Variants in WWOX observed in about 807,000 individuals in gnomAD.
WWOX encodes the protein WW domain containing oxidoreductase, also known as WW domain-containing oxidoreductase.
Under a neutral mutation model 46.2 loss-of-function variants are expected in WWOX, and 69 were observed. The observed-to-expected ratio is 1.49, with a 90% CI of 1.23 to 1.82. The LOEUF (loss-of-function observed/expected upper bound fraction) is 1.82, where lower values mean the gene tolerates loss of function less well. Ranked by LOEUF, WWOX falls within the 40% of genes most tolerant of loss-of-function variation. The pLI is 0.00. For synonymous variants in WWOX, 359 were observed against 202.6 expected (o/e 1.77, Z -6.56); for missense variants, 919 against 542.6 (o/e 1.69, Z -6.89).
At chr16:78,644,337 A>G (rs753537396) in intron 8 of WWOX, among the ~76,000 whole-genome samples, 1 of 152,138 alleles carries the variant, frequency 6.6e-6, no homozygotes, top group Non-Finnish European at 1.5e-5. Context: ...CACCTACCCC[A>G]TATGTCACCT....
chr16:79,091,776 TTTG>T (rs2048965462), intron 8 of WWOX, among the ~76,000 whole-genome samples: 4 of 119,078 alleles, frequency 3.4e-5, no homozygotes, highest in Admixed American at 8.4e-5. Flanking sequence ...TTTTCTTTTC[TTTG>T]TTTTTTTTTT....
At chr16:78,224,106 C>T (rs571532455) in intron 5 of WWOX, among the ~76,000 whole-genome samples, 2 of 152,132 alleles carry the variant, frequency 1.3e-5, no homozygotes, top group Non-Finnish European at 2.9e-5. Flanking sequence ...TGGGTTCACA[C>T]CATTTTCCTG....
rs372093205 is a variant in WWOX, at chr16:78,711,884, C to T, written c.1056+279132C>T. On this transcript the variant is annotated intron_variant, in intron 8 of 8. Coordinates refer to ENST00000566780, the MANE Select transcript of WWOX (RefSeq NM_016373.4). ...ACATCTTACAAATTCCCTCAGTGCA[C>T]GCGCCATCTAAATTAATCCAAATTC... is the stretch of plus-strand genomic sequence containing the variant. Among the ~76,000 whole-genome samples, 8 of 152,232 alleles carry T rather than the reference C, an allele frequency of 5.3e-5. No homozygotes were observed. The East Asian group carries it at 9.7e-4, about 18-fold the overall frequency.
chr16:78,411,621 T>C (rs563368338), intron 6 of WWOX, among the ~76,000 whole-genome samples: 17 of 152,262 alleles, frequency 1.1e-4, no homozygotes, highest in Admixed American at 8.5e-4. Context: ...TTAGGAACCA[T>C]TAAAAGTTTT....
intron 8 of WWOX, among the ~76,000 whole-genome samples, chr16:78,948,316 T>G (rs1279561929): frequency 6.6e-6 from 1 of 152,202 alleles, no homozygotes; most frequent in Non-Finnish European, 1.5e-5. Flanking sequence ...ACCAAAGAAC[T>G]TCTTGTCTCC....
intron 8 of WWOX, among the ~76,000 whole-genome samples, chr16:79,162,680 C>T (rs1245124759): frequency 6.6e-6 from 1 of 152,158 alleles, no homozygotes; most frequent in East Asian, 1.9e-4. Flanking sequence ...ACAGATCATG[C>T]CAAGGTCCTG....
intron 8 of WWOX, among the ~76,000 whole-genome samples, chr16:78,612,905 T>C (rs2045933629): frequency 6.6e-6 from 1 of 152,144 alleles, no homozygotes; most frequent in South Asian, 2.1e-4. Context: ...GCTCAAGAAA[T>C]AGTAAATTTT....
chr16:78,437,015 A>G (rs56981948), intron 8 of WWOX, among the ~76,000 whole-genome samples: 2,956 of 152,266 alleles, frequency 0.019, 95 homozygotes, highest in African/African-American at 0.066. Flanking sequence ...CTATCACCAG[A>G]TGGCTAGTGT....
chr16:79,067,363 C>A (rs913753207), intron 8 of WWOX, among the ~76,000 whole-genome samples: 1 of 152,096 alleles, frequency 6.6e-6, no homozygotes, highest in Non-Finnish European at 1.5e-5. Flanking sequence ...TCTGCTCTCG[C>A]TCTCTCTCTT....
chr16:78,949,574 A>G (rs1401156968), intron 8 of WWOX, among the ~76,000 whole-genome samples: 2 of 152,228 alleles, frequency 1.3e-5, no homozygotes, highest in South Asian at 2.1e-4. Context: ...ATAATGCTGT[A>G]TGTCATGCTG....
At chr16:79,108,435 A>G (rs1305085317) in intron 8 of WWOX, among the ~76,000 whole-genome samples, 10 of 152,168 alleles carry the variant, frequency 6.6e-5, no homozygotes, top group East Asian at 3.9e-4. Context: ...CTCAAAGGGG[A>G]GAAAAAGGTA....
chr16:78,463,732 A>T (rs1343804668), intron 8 of WWOX, among the ~76,000 whole-genome samples: 1 of 152,196 alleles, frequency 6.6e-6, no homozygotes, highest in African/African-American at 2.4e-5. Flanking sequence ...AAACTTGGGT[A>T]ATTCTAATGC....
At chr16:78,537,347 A>G (rs2043783838) in intron 8 of WWOX, among the ~76,000 whole-genome samples, 1 of 152,202 alleles carries the variant, frequency 6.6e-6, no homozygotes, top group Non-Finnish European at 1.5e-5. Flanking sequence ...TTCTAGGTAG[A>G]TAGATGAAGG....
intron 8 of WWOX, among the ~76,000 whole-genome samples, chr16:79,068,654 A>ACC (rs2048487143): frequency 6.6e-6 from 1 of 151,376 alleles, no homozygotes; most frequent in African/African-American, 2.4e-5. Context: ...CAACAACAAA[A>ACC]AAAAAAATTA....
chr16:78,217,350 G>C (rs541685663), intron 5 of WWOX, among the ~76,000 whole-genome samples: 2 of 152,336 alleles, frequency 1.3e-5, no homozygotes, highest in Non-Finnish European at 2.9e-5. Flanking sequence ...GGTGGAAACA[G>C]CATGTATATA....
Position 79,033,171 on chromosome 16 carries a change from T to A in WWOX, c.1057-178437T>A, listed in dbSNP as rs2047798866. 3.4e-5 allele frequency among the ~76,000 whole-genome samples: 5 copies of A among 145,584 alleles called. No individual in the cohort carries two copies. The South Asian group carries it at 1.1e-3, about 31-fold the overall frequency. On this transcript the variant is annotated intron_variant, in intron 8 of 8. Coordinates refer to ENST00000566780, the MANE Select transcript of WWOX (RefSeq NM_016373.4). Reference sequence around the variant, plus strand: ...ATATATATAATATATATATAAAATATATATTATGTATAGATAATTTATATA... The same window carrying A: ...ATATATATAATATATATATAAAATAAATATTATGTATAGATAATTTATATA...
intron 8 of WWOX, among the ~76,000 whole-genome samples, chr16:78,696,123 C>A (rs1171408426): frequency 6.6e-6 from 1 of 152,164 alleles, no homozygotes; most frequent in Non-Finnish European, 1.5e-5. Flanking sequence ...AGGAGAGAAG[C>A]CACTAGGGGT....
At position 78,392,866 on chromosome 16, in the gene WWOX, C is replaced by G. The variant is rs12597725; in HGVS notation, c.605+5918C>G. 4.6e-3 allele frequency among the ~76,000 whole-genome samples: 701 copies of G among 152,240 alleles called. 10 individuals are homozygous for G. The highest frequency in any genetic ancestry group is 0.033 in the East Asian group (172 of 5,164). On this transcript the variant is annotated intron_variant, in intron 6 of 8. Transcript: ENST00000566780. ...TGCCCACTCTCTGTTTACTCACTCC[C>G]ATTTTCATTCATTGATTCTGTTATT...
intron 8 of WWOX, among the ~76,000 whole-genome samples, chr16:79,162,368 G>A (rs1022196697): frequency 2.6e-5 from 4 of 152,130 alleles, no homozygotes; most frequent in African/African-American, 7.2e-5. Flanking sequence ...CCAGAGTTAC[G>A]TGCACAGGTT....
Sources: gnomAD v4.1 joint callset for allele counts (sites outside exome capture counted in the v4.1 genomes callset) on GRCh38, gnomAD v4.1.1 for gene constraint, MANE v1.5 for transcripts, NCBI Gene and HGNC (gene_info 2026-07-23, HGNC 2026-07-21) for gene names.